Variants in SSPN observed in about 807,000 individuals in gnomAD.
The protein encoded by SSPN is K-ras oncogene-associated protein.
In SSPN, 15 loss-of-function variants were observed where a neutral mutation model predicts 19.1. The ratio of observed to expected loss-of-function variants is 0.78; its 90% CI spans 0.52 to 1.21. SSPN has a LOEUF of 1.21. Among genes scored for constraint, SSPN ranks in the 50% most tolerant of loss-of-function variants. The pLI is 0.00. For missense variants in SSPN, 291 were observed against 314.0 expected (o/e 0.93, Z 0.55); for synonymous variants, 147 against 140.3 (o/e 1.05, Z -0.34).
chr12:26,147,811 T>C (rs1048751276), intron 1 of SSPN, among the ~76,000 whole-genome samples: 4 of 152,018 alleles, frequency 2.6e-5, no homozygotes, highest in African/African-American at 9.7e-5. Context: ...GTTCTATGGG[T>C]AGGTGGTTAG....
rs190453780 is a variant in SSPN at position 26,202,556 on chromosome 12, A to T, written c.279+6605A>T. On this transcript the variant is annotated intron_variant, in intron 1 of 2. Coordinates refer to ENST00000242729, the MANE Select transcript of SSPN (RefSeq NM_005086.5). Reference sequence around the variant, plus strand: ...CTAGATGTTGATATTACCACTCTTAACCTTTTACGAAGAAAACAATGGCAT... The same window carrying T: ...CTAGATGTTGATATTACCACTCTTATCCTTTTACGAAGAAAACAATGGCAT... Among the ~76,000 whole-genome samples the T allele has an allele frequency of 8.5e-5, 13 of 152,322 alleles. No homozygotes were observed. The East Asian group carries it at 2.1e-3, about 25-fold the overall frequency.
chr12:26,224,827 T>C (rs1945160877), intron 2 of SSPN, among the ~76,000 whole-genome samples: 1 of 152,102 alleles, frequency 6.6e-6, no homozygotes, highest in South Asian at 2.1e-4. Context: ...GTGCCAAGAC[T>C]CTCAGGGCAA....
At chr12:26,190,459 C>T (rs1944780425), upstream of SSPN, among the ~76,000 whole-genome samples, 1 of 152,182 alleles carries the variant, frequency 6.6e-6, no homozygotes, top group Admixed American at 6.5e-5. Context: ...CCTCCTGATC[C>T]CAGGCCTCCA....
intron 1 of SSPN, chr12:26,179,947 G>A (rs1944708848): frequency 2.4e-5 from 2 of 82,456 alleles, no homozygotes; most frequent in African/African-American, 1.0e-4. Context: ...TTTTTTTGCA[G>A]GGCCATAGTG....
At chr12:26,139,732 T>C (rs1293898436) in intron 1 of SSPN, among the ~76,000 whole-genome samples, 1 of 152,212 alleles carries the variant, frequency 6.6e-6, no homozygotes, top group East Asian at 1.9e-4. Flanking sequence ...AATAGTAAAA[T>C]GTTGTAAAAT....
intron 1 of SSPN, chr12:26,124,261 C>T: frequency 1.8e-6 from 1 of 559,566 alleles, no homozygotes; most frequent in Non-Finnish European, 3.1e-6. Flanking sequence ...CTGCCCCCCC[C>T]GCCCCCCCAC....
chr12:26,159,188 G>T (rs1378099698), intron 1 of SSPN, among the ~76,000 whole-genome samples: 2 of 152,198 alleles, frequency 1.3e-5, no homozygotes, highest in Non-Finnish European at 2.9e-5. Flanking sequence ...GATTGACAGA[G>T]GGTGAAGGGC....
intron 1 of SSPN, among the ~76,000 whole-genome samples, chr12:26,202,486 T>G (rs914145701): frequency 2.6e-5 from 4 of 152,248 alleles, no homozygotes; most frequent in African/African-American, 9.6e-5. Flanking sequence ...TTATATGCAC[T>G]CTCCTAACTA....
chr12:26,220,117 T>C (rs1246904008), intron 1 of SSPN, among the ~76,000 whole-genome samples: 1 of 151,816 alleles, frequency 6.6e-6, no homozygotes, highest in Middle Eastern at 3.2e-3. Context: ...AGAAATCTGG[T>C]TTTCTCTCCA....
intron 1 of SSPN, chr12:26,123,744 G>A (rs1448941932): frequency 1.9e-6 from 3 of 1,600,714 alleles, no homozygotes; most frequent in Admixed American, 1.7e-5. Flanking sequence ...CCCAGAGTCT[G>A]CAGTGGTGCA....
chr12:26,150,245 T>TCA (rs1944517571), intron 1 of SSPN, among the ~76,000 whole-genome samples: 1 of 152,194 alleles, frequency 6.6e-6, no homozygotes, highest in Admixed American at 6.5e-5. Flanking sequence ...CTCCCAGGTC[T>TCA]CACACATCAG....
rs185728472 is a variant in SSPN, at chr12:26,189,773, G to A, written c.-30-34520G>A. Among the ~76,000 whole-genome samples, 286 of 152,172 alleles carry A rather than the reference G, an allele frequency of 1.9e-3. 3 individuals carry two copies. The highest frequency in any genetic ancestry group is 3.4e-3 in the Middle Eastern group (1 of 294). Reference sequence around the variant, plus strand: ...ATCTTGAAACTGCCAGATTATTCTGGAAAAGGTAACCAATGACCACCTTGT... The same window carrying A: ...ATCTTGAAACTGCCAGATTATTCTGAAAAAGGTAACCAATGACCACCTTGT... On this transcript the variant is annotated intron_variant, in intron 1 of 2. Transcript: ENST00000538142.
chr12:26,204,989 A>G (rs1307445985), intron 1 of SSPN, among the ~76,000 whole-genome samples: 1 of 152,204 alleles, frequency 6.6e-6, no homozygotes, highest in African/African-American at 2.4e-5. Context: ...CACGGTCCCT[A>G]ATTGTGAATT....
Position 26,195,827 on chromosome 12 carries a change from T to C in SSPN, c.155T>C (p.Phe52Ser), listed in dbSNP as rs1203397919. 2.6e-6 allele frequency: 4 copies of C among 1,538,502 alleles called. No homozygotes were observed. Among genetic ancestry groups the C allele is most frequent in the Non-Finnish European group, 2.6e-6 (3 of 1,145,826 alleles). Reference protein sequence around the residue: ...EEPRTCCGCRFPLLLALLQLA... With the variant: ...EEPRTCCGCRSPLLLALLQLA... Reference sequence around the variant, plus strand: ...CCCCGGACCTGCTGCGGCTGCCGGTTCCCGCTGCTGCTCGCCCTGCTGCAG... The same window carrying C: ...CCCCGGACCTGCTGCGGCTGCCGGTCCCCGCTGCTGCTCGCCCTGCTGCAG... The change falls in exon 1 of 3, where the codon TTC (phenylalanine) becomes TCC (serine). Residue 52 changes from phenylalanine to serine, a missense_variant. Physicochemically the swap from Phe to Ser is radical, Grantham distance 155. Transcript: ENST00000242729.
intron 1 of SSPN, among the ~76,000 whole-genome samples, chr12:26,210,222 C>T (rs1944970659): frequency 6.6e-6 from 1 of 151,968 alleles, no homozygotes; most frequent in South Asian, 2.1e-4. Flanking sequence ...TTATTTTGCA[C>T]TAAATCCCAG....
At position 26,232,926 on chromosome 12, in the gene SSPN, T is replaced by C. The variant is rs2137527287; in HGVS notation, c.*1850T>C. On this transcript the variant is annotated 3_prime_UTR_variant, in exon 3 of 3. Transcript: ENST00000242729. ...TGATGAGGACCTGTAAAATACCTTG[T>C]GCCCTATTAAAAAAAAAAAAAAAAA... 2 of 99,424 alleles carry C rather than the reference T, an allele frequency of 2.0e-5. No individual in the cohort carries two copies. Among genetic ancestry groups the C allele is most frequent in the African/African-American group, 8.1e-5 (2 of 24,540 alleles). The allele number at this position is 99,424 out of a possible 1,614,324, so 6.2% of individuals were successfully genotyped here. A position where few individuals can be genotyped will look rare whatever the true frequency, so the allele number is the denominator to read the frequency against.
At chr12:26,224,540 A>G (rs1269325889) in intron 2 of SSPN, among the ~76,000 whole-genome samples, 161 bp downstream of exon 2, 1 of 152,206 alleles carries the variant, frequency 6.6e-6, no homozygotes, top group Non-Finnish European at 1.5e-5. Flanking sequence ...TCCAGACCTC[A>G]AAGGTAATGC....
chr12:26,232,352 G>C lies in SSPN; in HGVS notation c.*1276G>C. The C allele has an allele frequency of 1.0e-6, 1 of 984,432 alleles. No individual in the cohort carries two copies. The highest frequency in any genetic ancestry group is 5.2e-4 in the Middle Eastern group (1 of 1,910). 61.0% of individuals were successfully genotyped at this position (984,432 alleles called of 1,614,324 possible). On this transcript the variant is annotated 3_prime_UTR_variant, in exon 3 of 3. Transcript: ENST00000242729. ...TGGTTTAAAGCACAAATGCCCCAAG[G>C]TGGGGAGACTTCTCTCTGTGATTAT... is the stretch of plus-strand genomic sequence containing the variant.
chr12:26,124,861 T>TG, intron 1 of SSPN: 3 of 1,358,104 alleles, frequency 2.2e-6, no homozygotes, highest in East Asian at 2.3e-5. Context: ...TGGGAGACCT[T>TG]GGGGGGATCT....
Sources: gnomAD v4.1 joint callset for allele counts (sites outside exome capture counted in the v4.1 genomes callset) on GRCh38, gnomAD v4.1.1 for gene constraint, MANE v1.5 for transcripts, NCBI Gene and HGNC (gene_info 2026-07-23, HGNC 2026-07-21) for gene names.